SUZ12: variants seen among roughly 807,000 people sequenced by gnomAD.
SUZ12 encodes SUZ12 polycomb repressive complex 2 subunit.
A neutral mutation model predicts 87.3 loss-of-function variants in SUZ12; 17 were observed. That is an observed-to-expected ratio of 0.19 (90% CI 0.13 to 0.29). The LOEUF (loss-of-function observed/expected upper bound fraction) is 0.29, where lower values mean the gene tolerates loss of function less well. Ranked by LOEUF, SUZ12 falls within the 10% of genes least tolerant of loss-of-function variation. The pLI is 1.00. For synonymous variants in SUZ12, 253 were observed against 312.4 expected (o/e 0.81, Z 2.01); for missense variants, 526 against 912.2 (o/e 0.58, Z 5.45).
intron 3 of SUZ12, among the ~76,000 whole-genome samples, chr17:31,945,267 C>G (rs1370087584): frequency 6.6e-5 from 10 of 152,128 alleles, no homozygotes; most frequent in Non-Finnish European, 1.2e-4. Flanking sequence ...TCGTTTTTTA[C>G]TATTACAACA....
At chr17:31,988,590 G>T in intron 10 of SUZ12, 93 bp downstream of exon 10, 1 of 1,249,244 alleles carries the variant, frequency 8.0e-7, no homozygotes. Flanking sequence ...TGCTTTATGT[G>T]ATTCTTCTTT....
chr17:31,943,977 T>A (rs185343792), intron 3 of SUZ12, among the ~76,000 whole-genome samples: 48 of 152,206 alleles, frequency 3.2e-4, no homozygotes, highest in African/African-American at 1.1e-3. Flanking sequence ...ATTACAGTCG[T>A]GAGCCACCGT....
chr17:31,994,748 G>C, intron 13 of SUZ12, 27 bp downstream of exon 13: 1 of 1,599,334 alleles, frequency 6.3e-7, no homozygotes, highest in Non-Finnish European at 8.5e-7. Flanking sequence ...TATAAGAAAA[G>C]TTTAAGCTCT....
chr17:31,959,492 A>T (rs9912131), intron 4 of SUZ12, among the ~76,000 whole-genome samples: 7,449 of 152,252 alleles, frequency 0.049, 589 homozygotes, highest in African/African-American at 0.17. Context: ...AGAATATTGG[A>T]CTTGATGTAG....
At chr17:31,962,734 G>T (rs1907811687) in intron 4 of SUZ12, among the ~76,000 whole-genome samples, 2 of 152,244 alleles carry the variant, frequency 1.3e-5, no homozygotes, top group Non-Finnish European at 2.9e-5. Context: ...TATTTCATAT[G>T]TAAGGCTTTC....
intron 8 of SUZ12, among the ~76,000 whole-genome samples, chr17:31,978,263 C>T (rs1356607809): frequency 2.0e-5 from 3 of 152,112 alleles, no homozygotes; most frequent in Non-Finnish European, 4.4e-5. Context: ...GGCTGGAGTT[C>T]AGTGGCATGA....
At chr17:31,938,704 T>TA (rs1906090747) in intron 1 of SUZ12, among the ~76,000 whole-genome samples, 6 of 152,242 alleles carry the variant, frequency 3.9e-5, no homozygotes, top group Admixed American at 3.9e-4. Context: ...ATGATACTTG[T>TA]TTGTACCCCT....
intron 4 of SUZ12, among the ~76,000 whole-genome samples, chr17:31,951,739 G>A (rs903611280): frequency 6.0e-5 from 9 of 149,150 alleles, no homozygotes; most frequent in African/African-American, 1.2e-4. Flanking sequence ...GCCTCCCAAA[G>A]TGCTGGGATT....
chr17:31,956,740 CTATA>C (rs990465814), intron 4 of SUZ12, among the ~76,000 whole-genome samples: 1 of 151,796 alleles, frequency 6.6e-6, no homozygotes, highest in Middle Eastern at 3.2e-3. Context: ...TATTTTCTCT[CTATA>C]TATACGTGTG....
chr17:31,971,838 G>A (rs917101542), intron 5 of SUZ12, among the ~76,000 whole-genome samples: 1 of 152,036 alleles, frequency 6.6e-6, no homozygotes, highest in Admixed American at 6.6e-5. Flanking sequence ...TCTTCAAGCC[G>A]GCCCAGTTGC....
At chr17:31,998,359 G>A (rs4291970) in intron 15 of SUZ12, among the ~76,000 whole-genome samples, 11 of 152,054 alleles carry the variant, frequency 7.2e-5, no homozygotes, top group Non-Finnish European at 1.0e-4. Flanking sequence ...AATTACAGGC[G>A]TAATTACCTG....
chr17:31,977,890 A>G (rs966978700), intron 8 of SUZ12, among the ~76,000 whole-genome samples: 8 of 152,120 alleles, frequency 5.3e-5, no homozygotes, highest in Non-Finnish European at 1.0e-4. Flanking sequence ...CTCTTGTCTT[A>G]AAAAGAAAAG....
chr17:31,949,515 C>T (rs1906818999), intron 4 of SUZ12, among the ~76,000 whole-genome samples: 1 of 151,748 alleles, frequency 6.6e-6, no homozygotes, highest in Non-Finnish European at 1.5e-5. Context: ...TATTAACTTT[C>T]TTTAATCTAT....
At chr17:31,949,681 T>C in intron 4 of SUZ12, among the ~76,000 whole-genome samples, 1 of 88,492 alleles carries the variant, frequency 1.1e-5, no homozygotes, top group African/African-American at 4.4e-5. Flanking sequence ...CCCCCCTTTT[T>C]TTTTTTTTTT....
chr17:31,983,470 CG>C (rs1226787163), intron 9 of SUZ12, among the ~76,000 whole-genome samples: 1 of 151,726 alleles, frequency 6.6e-6, no homozygotes, highest in East Asian at 1.9e-4. Context: ...TCAGTAGAGA[CG>C]GGGTTTGACC....
chr17:31,998,523 C>A (rs1910101797), intron 15 of SUZ12, 135 bp from the exon 16 acceptor site: 1 of 619,496 alleles, frequency 1.6e-6, no homozygotes. Context: ...ATTTCAGTTT[C>A]TCTATAGTTT....
At position 31,999,319 on chromosome 17, in the gene SUZ12, CAG is replaced by C. The variant is rs563131051; in HGVS notation, c.*318_*319del. 107 of 242,830 alleles carry C rather than the reference CAG, an allele frequency of 4.4e-4. No homozygotes were observed. The highest frequency in any genetic ancestry group is 1.2e-3 in the Middle Eastern group (1 of 820). 15.0% of individuals were successfully genotyped at this position (242,830 alleles called of 1,614,324 possible). A position where few individuals can be genotyped will look rare whatever the true frequency, so the allele number is the denominator to read the frequency against. On this transcript the variant is annotated 3_prime_UTR_variant, in exon 16 of 16. Transcript: ENST00000322652. ...TCTAGAAATTATTTCATATATAAAT[CAG>C]AATTTTTTTGCATTTATGAACGGCT...
At chr17:31,995,867 A>AAAC in intron 14 of SUZ12, 105 bp downstream of exon 14, 1 of 855,476 alleles carries the variant, frequency 1.2e-6, no homozygotes, top group South Asian at 1.8e-5. Context: ...TTTTTTAAAA[A>AAAC]AAAAAAAAGG....
chr17:31,943,093 A>C (rs1446499937), intron 3 of SUZ12, among the ~76,000 whole-genome samples: 4 of 152,264 alleles, frequency 2.6e-5, no homozygotes, highest in Non-Finnish European at 5.9e-5. Flanking sequence ...CTTTCTGAAT[A>C]GAGAGCGTGC....
Sources: allele counts gnomAD v4.1 joint callset (sites outside exome capture counted in the v4.1 genomes callset), GRCh38; gene constraint gnomAD v4.1.1; transcripts MANE v1.5; gene names NCBI Gene and HGNC (gene_info 2026-07-23, HGNC 2026-07-21).